Variants in TRPC1 observed in about 807,000 individuals in gnomAD.
TRPC1 encodes short transient receptor potential channel 1.
TRPC1 carries 42 observed loss-of-function variants against 88.2 expected under a neutral mutation model. The observed-to-expected ratio is 0.48, with a 90% CI of 0.37 to 0.62. The LOEUF (loss-of-function observed/expected upper bound fraction) is 0.62. TRPC1 is among the 20% of genes least tolerant of loss of function. The pLI is 0.00. For missense variants in TRPC1, 699 were observed against 957.3 expected, an observed-to-expected ratio of 0.73 and a Z score of 3.56; for synonymous variants, 288 against 331.8, an observed-to-expected ratio of 0.87 and a Z score of 1.43.
chr3:142,770,030 T>A (rs1219354452), intron 4 of TRPC1, among the ~76,000 whole-genome samples: 1 of 152,000 alleles, frequency 6.6e-6, no homozygotes, highest in Non-Finnish European at 1.5e-5. Context: ...CTGTCTGTTT[T>A]TTCTTCATGT....
intron 4 of TRPC1, among the ~76,000 whole-genome samples, chr3:142,773,954 A>T (rs1935671047): frequency 6.6e-6 from 1 of 150,652 alleles, no homozygotes; most frequent in South Asian, 2.1e-4. Flanking sequence ...TGTTTTTTAT[A>T]TTTTTTACAT....
intron 1 of TRPC1, among the ~76,000 whole-genome samples, chr3:142,728,347 T>C (rs1164501555): frequency 6.6e-6 from 1 of 151,802 alleles, no homozygotes; most frequent in African/African-American, 2.4e-5. Flanking sequence ...TTTTTTTTTT[T>C]TTTGAGATGG....
chr3:142,742,578 T>C (rs185599061), intron 2 of TRPC1, among the ~76,000 whole-genome samples: 11 of 152,346 alleles, frequency 7.2e-5, no homozygotes, highest in African/African-American at 1.7e-4. Flanking sequence ...AAGATCGATA[T>C]AGTTTTGTTT....
At chr3:142,756,909 T>C (rs1260993140) in intron 4 of TRPC1, among the ~76,000 whole-genome samples, 1 of 152,172 alleles carries the variant, frequency 6.6e-6, no homozygotes, top group African/African-American at 2.4e-5. Context: ...TCCTGGCCTC[T>C]GGTAGCCACC....
chr3:142,801,963 T>G (rs563020563), intron 9 of TRPC1, among the ~76,000 whole-genome samples: 59 of 152,206 alleles, frequency 3.9e-4, no homozygotes, highest in Middle Eastern at 6.8e-3. Flanking sequence ...CATCTAACAC[T>G]GATAGTGTTG....
intron 10 of TRPC1, 93 bp downstream of exon 10, chr3:142,802,437 A>G: frequency 1.1e-6 from 1 of 903,898 alleles, no homozygotes; most frequent in Non-Finnish European, 1.5e-6. Context: ...ATGGAACTTC[A>G]CATTTTAAGA....
chr3:142,786,959 C>G (rs1936152659), intron 7 of TRPC1, among the ~76,000 whole-genome samples: 1 of 152,116 alleles, frequency 6.6e-6, no homozygotes, highest in East Asian at 1.9e-4. Context: ...TCATACCACT[C>G]TTTGAATAGC....
chr3:142,779,770 A>G (rs1242679016), intron 5 of TRPC1, among the ~76,000 whole-genome samples: 2 of 152,140 alleles, frequency 1.3e-5, no homozygotes, highest in Non-Finnish European at 2.9e-5. Flanking sequence ...TATTTTCTGA[A>G]GCCCAACCTC....
At chr3:142,801,792 A>C (rs1423719448) in intron 9 of TRPC1, among the ~76,000 whole-genome samples, 1 of 152,182 alleles carries the variant, frequency 6.6e-6, no homozygotes, top group Non-Finnish European at 1.5e-5. Context: ...AAAATTTAAG[A>C]AGCCATGTAA....
chr3:142,736,946 T>C (rs1429084239), intron 2 of TRPC1, among the ~76,000 whole-genome samples: 1 of 152,112 alleles, frequency 6.6e-6, no homozygotes, highest in Admixed American at 6.5e-5. Context: ...AACAAAATGT[T>C]CCTGCCTCAA....
Position 142,724,246 on chromosome 3 carries a change from C to A in TRPC1, c.-314C>A, listed in dbSNP as rs1273890207. 6.2e-6 allele frequency: 1 copy of A among 160,288 alleles called. No homozygotes were observed. Among genetic ancestry groups the A allele is most frequent in the African/African-American group, 2.4e-5 (1 of 41,688 alleles). 9.9% of individuals were successfully genotyped at this position (160,288 alleles called of 1,614,324 possible). On this transcript the variant is annotated 5_prime_UTR_variant, in exon 1 of 13. Transcript: ENST00000476941. The surrounding 1 kb of genome is among the most constrained non-coding windows in gnomAD (Gnocchi z 5.6). Reference sequence around the variant, plus strand: ...CCTGGCACGGCCCCGTGCTCGGCTGCCGCCCTGGCGCGCGCCACACTGTCG... The same window carrying A: ...CCTGGCACGGCCCCGTGCTCGGCTGACGCCCTGGCGCGCGCCACACTGTCG...
chr3:142,737,334 A>ATGTATG (rs1553799429), intron 2 of TRPC1, among the ~76,000 whole-genome samples: 23,387 of 147,248 alleles, frequency 0.16, 2,259 homozygotes, highest in Non-Finnish European at 0.21. Flanking sequence ...TTATATATAT[A>ATGTATG]TATGTATGTA....
intron 4 of TRPC1, among the ~76,000 whole-genome samples, chr3:142,759,324 C>T (rs1345856745): frequency 6.6e-6 from 1 of 152,182 alleles, no homozygotes; most frequent in Non-Finnish European, 1.5e-5. Flanking sequence ...TCTCTACATC[C>T]TCTCCAGCAT....
intron 6 of TRPC1, among the ~76,000 whole-genome samples, chr3:142,784,028 A>C (rs918374780): frequency 6.6e-6 from 1 of 152,164 alleles, no homozygotes; most frequent in Non-Finnish European, 1.5e-5. Context: ...TCTCACATGA[A>C]ATTCAGTTTT....
chr3:142,781,564 T>G (rs1209968503), intron 6 of TRPC1, among the ~76,000 whole-genome samples: 1 of 152,192 alleles, frequency 6.6e-6, no homozygotes, highest in Non-Finnish European at 1.5e-5. Flanking sequence ...GTACATGATA[T>G]GATAACTAAG....
At chr3:142,780,560 T>C (rs570138301) in intron 5 of TRPC1, among the ~76,000 whole-genome samples, 1 of 152,236 alleles carries the variant, frequency 6.6e-6, no homozygotes, top group South Asian at 2.1e-4. Context: ...TTATTAGAAT[T>C]TTTAGGAATA....
chr3:142,732,587 T>C (rs564969050), intron 1 of TRPC1, among the ~76,000 whole-genome samples: 2 of 152,158 alleles, frequency 1.3e-5, no homozygotes, highest in East Asian at 1.9e-4. Context: ...TGGGTAGCAG[T>C]ATACATGGAG....
At chr3:142,770,344 G>A (rs112305472) in intron 4 of TRPC1, among the ~76,000 whole-genome samples, 32 of 152,064 alleles carry the variant, frequency 2.1e-4, no homozygotes, top group African/African-American at 7.2e-4. Flanking sequence ...TAATCCGCCC[G>A]CCTCAGCCTC....
At chr3:142,734,505 C>T (rs1424346324) in intron 1 of TRPC1, among the ~76,000 whole-genome samples, 1 of 152,130 alleles carries the variant, frequency 6.6e-6, no homozygotes, top group African/African-American at 2.4e-5. Context: ...TTGAGAGACA[C>T]AGATGTTGAA....
Sources: gnomAD v4.1 joint callset for allele counts (sites outside exome capture counted in the v4.1 genomes callset) on GRCh38, gnomAD v4.1.1 for gene constraint, Gnocchi (gnomAD v3.1) non-coding constraint, MANE v1.5 for transcripts, NCBI Gene and HGNC (gene_info 2026-07-23, HGNC 2026-07-21) for gene names.